The following GRM8 variants were observed in gnomAD, a reference collection of about 807,000 sequenced individuals.
GRM8 encodes glutamate metabotropic receptor 8.
Under a neutral mutation model 87.2 loss-of-function variants are expected in GRM8, and 47 were observed. That is an observed-to-expected ratio of 0.54 (90% CI 0.43 to 0.69). The LOEUF (loss-of-function observed/expected upper bound fraction) is 0.69. Among genes scored for constraint, GRM8 ranks in the 30% least tolerant of loss-of-function variants. The pLI, the probability that GRM8 is intolerant of heterozygous loss-of-function variation, is 0.00. For synonymous variants in GRM8, 396 were observed against 404.5 expected (o/e 0.98, Z 0.25); for missense variants, 1,019 against 1,139.2 (o/e 0.89, Z 1.52).
intron 2 of GRM8, among the ~76,000 whole-genome samples, chr7:127,216,553 A>C (rs1369935813): frequency 4.5e-4 from 68 of 151,100 alleles, no homozygotes; most frequent in African/African-American, 1.0e-3. Flanking sequence ...AAAAAAGAAG[A>C]AGCTGAGGAC....
chr7:126,523,497 A>ATTTTTTTTTTT (rs1562916908), intron 9 of GRM8, among the ~76,000 whole-genome samples: 1 of 149,360 alleles, frequency 6.7e-6, no homozygotes, highest in African/African-American at 2.5e-5. Context: ...CAGACCTCTC[A>ATTTTTTTTTTT]ATTTTTTTTT....
chr7:127,041,090 G>A (rs1335757238), intron 3 of GRM8, among the ~76,000 whole-genome samples: 2 of 152,204 alleles, frequency 1.3e-5, no homozygotes, highest in East Asian at 3.8e-4. Context: ...TCCTTTAAAT[G>A]ATAGTAATTA....
chr7:127,210,648 C>G (rs1425656009), intron 2 of GRM8, among the ~76,000 whole-genome samples: 2 of 152,148 alleles, frequency 1.3e-5, no homozygotes, highest in Admixed American at 1.3e-4. Flanking sequence ...GTGACTTTCC[C>G]TAGTCACACA....
intron 9 of GRM8, among the ~76,000 whole-genome samples, chr7:126,474,597 T>C (rs973825933): frequency 2.6e-5 from 4 of 152,162 alleles, no homozygotes; most frequent in Non-Finnish European, 5.9e-5. Context: ...TGAAAACCTA[T>C]GTTCATCCTG....
intron 3 of GRM8, chr7:127,082,154 T>G (rs1206815275): frequency 6.6e-6 from 1 of 152,268 alleles, no homozygotes; most frequent in Non-Finnish European, 1.5e-5. Context: ...TTTCATTCCA[T>G]ATTCACATGG....
intron 3 of GRM8, among the ~76,000 whole-genome samples, chr7:127,069,640 C>T (rs11563742): frequency 0.25 from 38,577 of 152,156 alleles, 5,840 homozygotes; most frequent in Non-Finnish European, 0.35. Flanking sequence ...ACATTCACCT[C>T]TTCCCACCAG....
At chr7:126,515,645 C>T (rs1413563603) in intron 9 of GRM8, among the ~76,000 whole-genome samples, 1 of 152,008 alleles carries the variant, frequency 6.6e-6, no homozygotes, top group African/African-American at 2.4e-5. Context: ...TCACCTTTTT[C>T]ATCTTTTAGA....
At chr7:126,566,645 A>C (rs570040704) in intron 8 of GRM8, among the ~76,000 whole-genome samples, 1 of 152,214 alleles carries the variant, frequency 6.6e-6, no homozygotes, top group South Asian at 2.1e-4. Flanking sequence ...GTAAAAATAG[A>C]ACTACCCCAT....
chr7:127,224,923 G>A (rs956282701), intron 2 of GRM8, among the ~76,000 whole-genome samples: 2 of 152,090 alleles, frequency 1.3e-5, no homozygotes, highest in African/African-American at 4.8e-5. Flanking sequence ...CCCATGTCTA[G>A]GTTTCTATAC....
intron 3 of GRM8, among the ~76,000 whole-genome samples, chr7:126,958,265 G>A (rs1306795506): frequency 6.6e-6 from 1 of 152,132 alleles, no homozygotes; most frequent in Non-Finnish European, 1.5e-5. Flanking sequence ...CCACAGACAG[G>A]GCTGAAAAAC....
intron 6 of GRM8, among the ~76,000 whole-genome samples, chr7:126,827,277 A>G (rs1392372939): frequency 6.6e-6 from 1 of 152,070 alleles, no homozygotes; most frequent in Non-Finnish European, 1.5e-5. Flanking sequence ...CTTGATGGGG[A>G]TGGCATTGAA....
chr7:127,228,719 T>C (rs984813008), intron 2 of GRM8: 9 of 152,148 alleles, frequency 5.9e-5, no homozygotes, highest in Admixed American at 6.5e-5. Flanking sequence ...ATGTCCAATA[T>C]CCATGAATCA....
chr7:126,725,998 G>A lies in GRM8; in HGVS notation c.1357+43867C>T, dbSNP rs192902141. 7.2e-5 allele frequency among the ~76,000 whole-genome samples: 11 copies of A among 152,256 alleles called. No individual in the cohort carries two copies. The East Asian group carries it at 2.1e-3, about 29-fold the overall frequency. The stretch of plus-strand genomic sequence containing the variant: ...ACCAGGCCCCATCTCTAACACTAGA[G>A]ATTACATTTCAACATCAGATTTGGG... On this transcript the variant is annotated intron_variant, in intron 7 of 10. Transcript: ENST00000339582.
At chr7:127,089,298 T>C (rs1032858323) in intron 3 of GRM8, among the ~76,000 whole-genome samples, 1 of 152,146 alleles carries the variant, frequency 6.6e-6, no homozygotes, top group African/African-American at 2.4e-5. Context: ...GAGAGAAGCA[T>C]GGAGCAGATC....
intron 2 of GRM8, among the ~76,000 whole-genome samples, chr7:127,195,901 C>T (rs17864153): frequency 0.072 from 10,987 of 152,020 alleles, 565 homozygotes; most frequent in African/African-American, 0.14. Context: ...TTGTCTTCCC[C>T]GACACCCAAA....
chr7:127,237,857 G>A (rs918332413), intron 2 of GRM8, among the ~76,000 whole-genome samples: 1 of 152,150 alleles, frequency 6.6e-6, no homozygotes, highest in Non-Finnish European at 1.5e-5. Flanking sequence ...GCATCAATGT[G>A]CTATTTTTAA....
intron 2 of GRM8, among the ~76,000 whole-genome samples, chr7:127,212,407 G>GTTT (rs1563581982): frequency 5.9e-5 from 7 of 118,472 alleles, no homozygotes; most frequent in South Asian, 5.5e-4. Flanking sequence ...AGGACATGGT[G>GTTT]TTATTTTTTT....
At position 126,888,508 on chromosome 7, in the gene GRM8, T is replaced by G. The variant is rs546751620; in HGVS notation, c.1156+14034A>C. On this transcript the variant is annotated intron_variant, in intron 6 of 10. Transcript: ENST00000339582. ...TGACCTCCAAGTTTCCTTCCTTCTC[T>G]AATGTCCTCTGGTTCTCTGTTGGCC... 5.5e-4 allele frequency among the ~76,000 whole-genome samples: 83 copies of G among 152,280 alleles called. 1 individual carries two copies. In the South Asian group the frequency reaches 0.017, roughly 30 times the overall value.
At chr7:126,799,439 G>A (rs1475309148) in intron 6 of GRM8, among the ~76,000 whole-genome samples, 1 of 152,090 alleles carries the variant, frequency 6.6e-6, no homozygotes, top group African/African-American at 2.4e-5. Flanking sequence ...TAAGAGACAA[G>A]CAGCAATCAT....
Sources: allele counts gnomAD v4.1 joint callset (sites outside exome capture counted in the v4.1 genomes callset), GRCh38; gene constraint gnomAD v4.1.1; transcripts MANE v1.5; gene names NCBI Gene and HGNC (gene_info 2026-07-23, HGNC 2026-07-21).